The following FAM3D variants were observed in gnomAD, a reference collection of about 807,000 sequenced individuals.
The protein encoded by FAM3D is FAM3 metabolism regulating signaling molecule D.
Under a neutral mutation model 29.8 loss-of-function variants are expected in FAM3D, and 26 were observed. That is an observed-to-expected ratio of 0.87 (90% CI 0.64 to 1.21). The LOEUF (loss-of-function observed/expected upper bound fraction) is 1.21, where lower values mean the gene tolerates loss of function less well. Among genes scored for constraint, FAM3D ranks in the 50% most tolerant of loss-of-function variants. The pLI is 0.00. For synonymous variants in FAM3D, 115 were observed against 102.3 expected (o/e 1.12, Z -0.75); for missense variants, 253 against 290.9 (o/e 0.87, Z 0.95).
intron 3 of FAM3D, 38 bp downstream of exon 3, chr3:58,653,636 G>T: frequency 6.3e-7 from 1 of 1,577,710 alleles, no homozygotes; most frequent in Non-Finnish European, 8.7e-7. Context: ...CCCAGGCCTG[G>T]TCTGCAGTTC....
At chr3:58,664,499 G>A (rs986523853) in intron 1 of FAM3D, among the ~76,000 whole-genome samples, 1 of 152,204 alleles carries the variant, frequency 6.6e-6, no homozygotes, top group African/African-American at 2.4e-5. Flanking sequence ...CCTATATTGT[G>A]CACCTACTAC....
intron 6 of FAM3D, among the ~76,000 whole-genome samples, chr3:58,642,510 C>T (rs554118265): frequency 1.3e-5 from 2 of 152,258 alleles, no homozygotes; most frequent in South Asian, 4.1e-4. Context: ...AGAAGTGGCC[C>T]TTACAGCCAG....
chr3:58,664,132 A>G (rs988792410), intron 1 of FAM3D, among the ~76,000 whole-genome samples: 72 of 151,822 alleles, frequency 4.7e-4, no homozygotes, highest in African/African-American at 1.5e-3. Context: ...AGGTTACCTC[A>G]CCTCCTTAGG....
chr3:58,658,416 A>T (rs1378511923), intron 1 of FAM3D, among the ~76,000 whole-genome samples: 1 of 152,204 alleles, frequency 6.6e-6, no homozygotes, highest in Non-Finnish European at 1.5e-5. Flanking sequence ...TTCCCTGAGC[A>T]TCCCTGGGAA....
At chr3:58,645,679 G>A (rs2066458383) in intron 4 of FAM3D, 53 bp from the exon 5 acceptor site, 2 of 1,483,542 alleles carry the variant, frequency 1.3e-6, no homozygotes, top group Non-Finnish European at 1.9e-6. Context: ...AGGTACTTGG[G>A]GGAGAAGGAG....
At chr3:58,640,286 T>A in intron 6 of FAM3D, 109 bp from the exon 7 acceptor site, 2 of 1,271,914 alleles carry the variant, frequency 1.6e-6, no homozygotes, top group Non-Finnish European at 1.1e-6. Context: ...AGAATAAGAA[T>A]CTAATGAAAT....
At chr3:58,663,239 C>T (rs191263299) in intron 1 of FAM3D, among the ~76,000 whole-genome samples, 6 of 152,308 alleles carry the variant, frequency 3.9e-5, no homozygotes, top group Non-Finnish European at 1.5e-5. Flanking sequence ...GAGAGAGGAG[C>T]TGCCTTTCTG....
chr3:58,642,701 C>G (rs1425953409), intron 6 of FAM3D, among the ~76,000 whole-genome samples: 3 of 152,138 alleles, frequency 2.0e-5, no homozygotes, highest in African/African-American at 7.2e-5. Context: ...GCAGGGTTAT[C>G]AAGGCCATGG....
intron 3 of FAM3D, among the ~76,000 whole-genome samples, chr3:58,649,641 GAC>G (rs2066575963): frequency 6.6e-6 from 1 of 152,114 alleles, no homozygotes; most frequent in South Asian, 2.1e-4. Context: ...CACATATACA[GAC>G]ACACATGTGT....
chr3:58,653,624 C>A (rs752889941), intron 3 of FAM3D, 50 bp downstream of exon 3: 3 of 1,534,410 alleles, frequency 2.0e-6, no homozygotes, highest in African/African-American at 1.4e-5. Context: ...ATGTCTTCGG[C>A]CCCCAGGCCT....
At chr3:58,645,290 G>A (rs193196716) in intron 5 of FAM3D, among the ~76,000 whole-genome samples, 25 of 152,196 alleles carry the variant, frequency 1.6e-4, no homozygotes, top group Admixed American at 7.2e-4. Flanking sequence ...CCAGGATGTC[G>A]GGGGAATGAA....
chr3:58,633,956 G>A lies in FAM3D; in HGVS notation c.*323C>T. ...TGGTCAGAAAGCTCATTCAAAACCAGCAAAAATAAAATTTAATTGGGCTCA... is the reference window on the plus strand; with the variant it reads ...TGGTCAGAAAGCTCATTCAAAACCAACAAAAATAAAATTTAATTGGGCTCA... On this transcript the variant is annotated 3_prime_UTR_variant, in exon 10 of 10. Transcript: ENST00000358781. The A allele has an allele frequency of 3.5e-6, 1 of 288,040 alleles. No homozygotes were observed. Among genetic ancestry groups the A allele is most frequent in the Non-Finnish European group, 6.5e-6 (1 of 153,782 alleles). 17.8% of individuals were successfully genotyped at this position (288,040 alleles called of 1,614,324 possible).
chr3:58,645,234 C>G (rs780694149), intron 5 of FAM3D, among the ~76,000 whole-genome samples: 1 of 152,174 alleles, frequency 6.6e-6, no homozygotes, highest in South Asian at 2.1e-4. Context: ...GTCTGCACCC[C>G]ACTATCCTCA....
At position 58,643,652 on chromosome 3, in the gene FAM3D, T is replaced by TGCAA; in HGVS notation, c.322+6_322+9dup. 1 of 1,613,330 alleles carries TGCAA rather than the reference T, an allele frequency of 6.2e-7. No homozygotes were observed. The highest frequency in any genetic ancestry group is 8.5e-7 in the Non-Finnish European group (1 of 1,179,962). On this transcript the variant is annotated intron_variant, in intron 6 of 9. Coordinates refer to ENST00000358781, the MANE Select transcript of FAM3D (RefSeq NM_138805.3). ...GGTGGGAACTGTCTGGGGATGGATA[T>TGCAA]GCAACTCACCATTCACCAGGGCGAT...
intron 2 of FAM3D, among the ~76,000 whole-genome samples, chr3:58,654,214 A>T (rs2106898603): frequency 6.6e-6 from 1 of 152,368 alleles, no homozygotes; most frequent in Non-Finnish European, 1.5e-5. Flanking sequence ...CAGGGCAGCC[A>T]GCAGTGCTGT....
At chr3:58,649,402 TG>T in intron 3 of FAM3D, 64 bp from the exon 4 acceptor site, 1 of 1,549,808 alleles carries the variant, frequency 6.5e-7, no homozygotes. Context: ...GGATGGAGGT[TG>T]GGGGCTGGGG....
intron 7 of FAM3D, among the ~76,000 whole-genome samples, chr3:58,637,791 A>G (rs957510993): frequency 5.9e-5 from 9 of 152,224 alleles, no homozygotes; most frequent in African/African-American, 1.7e-4. Flanking sequence ...CAAGCTCTCT[A>G]TTTAACAGAG....
chr3:58,650,866 C>T (rs1031604611), intron 3 of FAM3D, among the ~76,000 whole-genome samples: 4 of 152,114 alleles, frequency 2.6e-5, no homozygotes, highest in Admixed American at 6.5e-5. Flanking sequence ...TACAGGCGCC[C>T]GCCACCACGC....
intron 4 of FAM3D, among the ~76,000 whole-genome samples, chr3:58,648,468 G>C (rs2066538749): frequency 6.6e-6 from 1 of 152,036 alleles, no homozygotes; most frequent in South Asian, 2.1e-4. Flanking sequence ...TTTGACTTCT[G>C]CCTCACCACT....
Sources: gnomAD v4.1 joint callset for allele counts (sites outside exome capture counted in the v4.1 genomes callset) on GRCh38, gnomAD v4.1.1 for gene constraint, MANE v1.5 for transcripts, NCBI Gene and HGNC (gene_info 2026-07-23, HGNC 2026-07-21) for gene names.